MIS18A: variants seen among roughly 807,000 people sequenced by gnomAD.
The protein encoded by MIS18A is protein Mis18-alpha.
MIS18A carries 14 observed loss-of-function variants against 25.0 expected under a neutral mutation model. The ratio of observed to expected loss-of-function variants is 0.56; its 90% CI spans 0.37 to 0.88. MIS18A has a LOEUF of 0.88. Among genes scored for constraint, MIS18A ranks in the 40% least tolerant of loss-of-function variants. The pLI, the probability that MIS18A is intolerant of heterozygous loss-of-function variation, is 0.00. For missense variants in MIS18A, 292 were observed against 290.8 expected (o/e 1.00, Z -0.03); for synonymous variants, 134 against 118.6 (o/e 1.13, Z -0.84).
the MIS18A span, among the ~76,000 whole-genome samples, chr21:32,175,860 A>T: frequency 2.6e-5 from 4 of 151,562 alleles, no homozygotes; most frequent in East Asian, 1.9e-4. Flanking sequence ...CTATACAAAA[A>T]TTTTTTTTCT....
Position 32,270,503 on chromosome 21 carries a change from C to A in MIS18A, c.428G>T (p.Gly143Val). ...GCVLETLCCAGCSLNLGYVYR... is the reference protein window; with the variant it reads ...GCVLETLCCAVCSLNLGYVYR... Reference sequence around the variant, plus strand: ...CACGTAGCCAAGATTGAGTGAGCACCCCGCGCAGCACAAAGTCTCAAGGAC... The same window carrying A: ...CACGTAGCCAAGATTGAGTGAGCACACCGCGCAGCACAAAGTCTCAAGGAC... The change falls in exon 3 of 5, where the codon GGG becomes GTG. Residue 143 changes from glycine to valine, a missense_variant. Physicochemically the swap from Gly to Val is moderately radical, Grantham distance 109. Coordinates refer to ENST00000290130, the MANE Select transcript of MIS18A (RefSeq NM_018944.3). 6.3e-7 allele frequency: 1 copy of A among 1,599,944 alleles called. No homozygotes were observed.
the MIS18A span, among the ~76,000 whole-genome samples, chr21:32,253,139 C>T: frequency 2.6e-5 from 4 of 151,704 alleles, no homozygotes; most frequent in East Asian, 1.9e-4. Context: ...CTCCATAGAA[C>T]ACCATGCAGA....
intron 1 of MIS18A, among the ~76,000 whole-genome samples, chr21:32,275,156 T>C (rs2031786813): frequency 1.3e-5 from 2 of 152,126 alleles, no homozygotes; most frequent in African/African-American, 2.4e-5. Flanking sequence ...AGAGAATGGC[T>C]TGGGGCCAGG....
the MIS18A span, among the ~76,000 whole-genome samples, chr21:32,179,989 C>G: frequency 6.6e-6 from 1 of 152,014 alleles, no homozygotes; most frequent in South Asian, 2.1e-4. Context: ...GGTAGAATAC[C>G]GTACCAGAGA....
chr21:32,272,185 G>C (rs1317774210), intron 2 of MIS18A, among the ~76,000 whole-genome samples: 1 of 152,190 alleles, frequency 6.6e-6, no homozygotes, highest in African/African-American at 2.4e-5. Flanking sequence ...GCCAATAATC[G>C]TAAGGTGATG....
rs193114364 is a variant in MIS18A at position 32,272,689 on chromosome 21, C to T, written c.401+2141G>A. ...CTTCAGAGTTACTTTCTAGTTATGG[C>T]AAGTATGTATTTATGATAGTAAAAA... On this transcript the variant is annotated intron_variant, in intron 2 of 4. Transcript: ENST00000290130. Among the ~76,000 whole-genome samples, 355 of 152,134 alleles carry T rather than the reference C, an allele frequency of 2.3e-3. 1 individual carries two copies. The highest frequency in any genetic ancestry group is 4.0e-3 in the Non-Finnish European group (273 of 67,994).
At chr21:32,177,593 G>T in the MIS18A span, among the ~76,000 whole-genome samples, 5 of 151,964 alleles carry the variant, frequency 3.3e-5, no homozygotes, top group Admixed American at 1.3e-4. Context: ...CAAGGTCATT[G>T]GATATAAGGT....
At chr21:32,160,246 T>TA in the MIS18A span, among the ~76,000 whole-genome samples, 7 of 150,038 alleles carry the variant, frequency 4.7e-5, no homozygotes, top group Middle Eastern at 3.5e-3. Flanking sequence ...TTGGGTAAGA[T>TA]AAAAAAATCA....
chr21:32,208,753 T>C, the MIS18A span, among the ~76,000 whole-genome samples: 1 of 152,202 alleles, frequency 6.6e-6, no homozygotes, highest in East Asian at 1.9e-4. Context: ...AGTTTCTCTT[T>C]AACTACTCAG....
At chr21:32,211,012 A>G in the MIS18A span, among the ~76,000 whole-genome samples, 1 of 152,174 alleles carries the variant, frequency 6.6e-6, no homozygotes, top group South Asian at 2.1e-4. Context: ...GCCAGTCACC[A>G]GTCCACAAAA....
chr21:32,270,896 C>T (rs1260649214), intron 2 of MIS18A, among the ~76,000 whole-genome samples: 1 of 152,222 alleles, frequency 6.6e-6, no homozygotes. Context: ...CATTGTAAAA[C>T]GGAAGCACCT....
chr21:32,160,470 C>T, the MIS18A span, among the ~76,000 whole-genome samples: 1 of 152,068 alleles, frequency 6.6e-6, no homozygotes, highest in Non-Finnish European at 1.5e-5. Context: ...GACTCAGGAG[C>T]TCCTGACAAC....
the MIS18A span, among the ~76,000 whole-genome samples, chr21:32,177,302 C>G: frequency 6.6e-6 from 1 of 152,118 alleles, no homozygotes; most frequent in Admixed American, 6.5e-5. Flanking sequence ...AAATAACTTT[C>G]TCAATCTAAT....
chr21:32,170,437 T>A, the MIS18A span, among the ~76,000 whole-genome samples: 1 of 152,096 alleles, frequency 6.6e-6, no homozygotes, highest in Non-Finnish European at 1.5e-5. Context: ...GATGTTATAT[T>A]TATATAGAAA....
At chr21:32,228,573 T>C in the MIS18A span, among the ~76,000 whole-genome samples, 3 of 152,286 alleles carry the variant, frequency 2.0e-5, no homozygotes, top group Middle Eastern at 6.8e-3. Context: ...TAGTGGCAGA[T>C]GGCATGATTT....
the MIS18A span, among the ~76,000 whole-genome samples, chr21:32,160,976 A>C: frequency 8.5e-5 from 13 of 152,312 alleles, no homozygotes; most frequent in African/African-American, 3.1e-4. Context: ...AAAAGAGGCA[A>C]TCAGATACAC....
At chr21:32,237,788 A>G in the MIS18A span, among the ~76,000 whole-genome samples, 1 of 151,268 alleles carries the variant, frequency 6.6e-6, no homozygotes, top group African/African-American at 2.5e-5. Flanking sequence ...TATTGTTAAC[A>G]TACTATTAGA....
chr21:32,158,711 G>A, the MIS18A span, among the ~76,000 whole-genome samples: 1 of 152,094 alleles, frequency 6.6e-6, no homozygotes, highest in Non-Finnish European at 1.5e-5. Context: ...CTGACCTCAG[G>A]TGATCTGCCT....
At chr21:32,165,186 A>G in the MIS18A span, among the ~76,000 whole-genome samples, 1 of 152,082 alleles carries the variant, frequency 6.6e-6, no homozygotes, top group East Asian at 1.9e-4. Flanking sequence ...ACAGAAAATT[A>G]GCTGGGCATG....
Sources: gnomAD v4.1 joint callset for allele counts (sites outside exome capture counted in the v4.1 genomes callset) on GRCh38, gnomAD v4.1.1 for gene constraint, MANE v1.5 for transcripts, NCBI Gene and HGNC (gene_info 2026-07-23, HGNC 2026-07-21) for gene names.